PPP1R1C: variants seen among roughly 807,000 people sequenced by gnomAD.
PPP1R1C encodes the protein protein phosphatase 1 regulatory subunit 1C.
A neutral mutation model predicts 17.4 loss-of-function variants in PPP1R1C; 15 were observed. The observed-to-expected ratio is 0.86, with a 90% CI of 0.58 to 1.33. The LOEUF is 1.33. Ranked by LOEUF, PPP1R1C falls within the 40% of genes most tolerant of loss-of-function variation. PPP1R1C has a pLI of 0.00. For synonymous variants in PPP1R1C, 35 were observed against 43.1 expected, an observed-to-expected ratio of 0.81 and a Z score of 0.73; for missense variants, 143 against 130.0, an observed-to-expected ratio of 1.10 and a Z score of -0.48.
At chr2:182,043,165 A>C (rs771244241) in intron 2 of PPP1R1C, among the ~76,000 whole-genome samples, 23 of 152,220 alleles carry the variant, frequency 1.5e-4, no homozygotes, top group Non-Finnish European at 2.6e-4. Context: ...AGATGAATGC[A>C]AAATGCATTT....
chr2:182,037,451 G>T (rs893414167), intron 2 of PPP1R1C, among the ~76,000 whole-genome samples: 6 of 152,124 alleles, frequency 3.9e-5, no homozygotes, highest in African/African-American at 1.4e-4. Context: ...GCTGGGTGTG[G>T]TGGTGGGTGC....
intron 5 of PPP1R1C, among the ~76,000 whole-genome samples, chr2:182,122,918 C>T (rs1023005053): frequency 5.6e-4 from 85 of 152,178 alleles, no homozygotes; most frequent in African/African-American, 2.0e-3. Context: ...AGGTTTGTTA[C>T]ATAGGTATAC....
upstream of PPP1R1C, among the ~76,000 whole-genome samples, chr2:181,982,022 T>C (rs1685202582): frequency 6.6e-6 from 1 of 152,226 alleles, no homozygotes; most frequent in African/African-American, 2.4e-5. Context: ...AAGTCACGTC[T>C]CATATATCTG....
At chr2:182,080,348 C>G (rs1688438371) in intron 4 of PPP1R1C, among the ~76,000 whole-genome samples, 1 of 152,104 alleles carries the variant, frequency 6.6e-6, no homozygotes, top group Non-Finnish European at 1.5e-5. Flanking sequence ...TATCACTATC[C>G]CCCATTTGCT....
chr2:181,999,966 C>T (rs949419478), intron 2 of PPP1R1C, among the ~76,000 whole-genome samples: 1 of 152,156 alleles, frequency 6.6e-6, no homozygotes, highest in Non-Finnish European at 1.5e-5. Context: ...TTCTAGTTAA[C>T]TCAAAACATG....
At chr2:182,006,596 A>G (rs1024269436) in intron 2 of PPP1R1C, among the ~76,000 whole-genome samples, 7 of 152,174 alleles carry the variant, frequency 4.6e-5, no homozygotes, top group Non-Finnish European at 7.4e-5. Context: ...AATTCTCTAG[A>G]CATGTTTTCT....
At chr2:182,106,675 G>C (rs1466237937) in intron 4 of PPP1R1C, among the ~76,000 whole-genome samples, 2 of 152,174 alleles carry the variant, frequency 1.3e-5, no homozygotes, top group African/African-American at 2.4e-5. Flanking sequence ...AAAGCCCTCT[G>C]TCTTTGCCAT....
chr2:182,006,366 AT>A (rs1685924736), intron 2 of PPP1R1C, among the ~76,000 whole-genome samples: 1 of 152,212 alleles, frequency 6.6e-6, no homozygotes, highest in Admixed American at 6.5e-5. Flanking sequence ...GAAAATAAGG[AT>A]TAGATGAGAG....
In PPP1R1C at chr2:181,961,262, G is replaced by A; in HGVS notation, n.111+6628G>A. On this transcript the variant is annotated intron_variant and non_coding_transcript_variant, in intron 1 of 5. Coordinates refer to the PPP1R1C transcript ENST00000464264. This position sits in a 1 kb window ranked among gnomAD's most constrained non-coding sequence, Gnocchi z 5.8. ...AGACACCACTTTGCGGCGGGTGGTGGTCTTTGGATGGTTTGCATGGAGTTG... is the reference window on the plus strand; with the variant it reads ...AGACACCACTTTGCGGCGGGTGGTGATCTTTGGATGGTTTGCATGGAGTTG... 1 of 767,858 alleles carries A rather than the reference G, an allele frequency of 1.3e-6. No individual in the cohort carries two copies. The highest frequency in any genetic ancestry group is 2.3e-6 in the Non-Finnish European group (1 of 434,444). The allele number at this position is 767,858 out of a possible 1,614,324, so 47.6% of individuals were successfully genotyped here.
chr2:182,034,320 T>C (rs1686934728), intron 2 of PPP1R1C, among the ~76,000 whole-genome samples: 1 of 152,142 alleles, frequency 6.6e-6, no homozygotes, highest in African/African-American at 2.4e-5. Flanking sequence ...ACAAGACAGA[T>C]GTAGCTTAGT....
At chr2:182,098,375 G>A (rs918628644) in intron 4 of PPP1R1C, among the ~76,000 whole-genome samples, 3 of 152,144 alleles carry the variant, frequency 2.0e-5, no homozygotes, top group African/African-American at 4.8e-5. Context: ...TTCTTCAAAT[G>A]TGATGGATGT....
At chr2:182,068,228 G>A (rs1455619069) in intron 4 of PPP1R1C, among the ~76,000 whole-genome samples, 1 of 152,140 alleles carries the variant, frequency 6.6e-6, no homozygotes, top group Non-Finnish European at 1.5e-5. Context: ...TACCACATAT[G>A]ATTGCTGTAG....
chr2:181,961,627 T>G lies in PPP1R1C; in HGVS notation n.111+6993T>G. 1.3e-6 allele frequency: 1 copy of G among 743,842 alleles called. No individual in the cohort carries two copies. The highest frequency in any genetic ancestry group is 2.4e-6 in the Non-Finnish European group (1 of 410,132). 46.1% of individuals were successfully genotyped at this position (743,842 alleles called of 1,614,324 possible). A position where few individuals can be genotyped will look rare whatever the true frequency, so the allele number is the denominator to read the frequency against. On this transcript the variant is annotated intron_variant and non_coding_transcript_variant, in intron 1 of 5. Coordinates refer to the PPP1R1C transcript ENST00000464264. This position sits in a 1 kb window ranked among gnomAD's most constrained non-coding sequence, Gnocchi z 5.8. ...CTCAGCATCTCCAACCTTGGTGGACTGCGTAGTGACCACTGTGGTGCTCTT... is the reference window on the plus strand; with the variant it reads ...CTCAGCATCTCCAACCTTGGTGGACGGCGTAGTGACCACTGTGGTGCTCTT...
intron 4 of PPP1R1C, among the ~76,000 whole-genome samples, chr2:182,115,734 A>G (rs1227857636): frequency 6.6e-6 from 1 of 152,208 alleles, no homozygotes; most frequent in African/African-American, 2.4e-5. Context: ...TATTATTACA[A>G]GTGATAAAAT....
chr2:182,114,407 G>C (rs947529838), intron 4 of PPP1R1C, among the ~76,000 whole-genome samples: 1 of 152,024 alleles, frequency 6.6e-6, no homozygotes, highest in African/African-American at 2.4e-5. Flanking sequence ...TCAAATGGGG[G>C]TTTAAAGAAA....
chr2:182,092,485 C>A (rs1405589560), intron 4 of PPP1R1C, among the ~76,000 whole-genome samples: 1 of 152,206 alleles, frequency 6.6e-6, no homozygotes, highest in African/African-American at 2.4e-5. Context: ...ATCATGCCTT[C>A]CCAACAGTCT....
chr2:181,979,410 A>T (rs528072397), intron 2 of PPP1R1C, among the ~76,000 whole-genome samples: 1 of 152,042 alleles, frequency 6.6e-6, no homozygotes, highest in South Asian at 2.1e-4. Flanking sequence ...TCTTGAGTAG[A>T]TTTTTATACA....
Position 182,063,750 on chromosome 2 carries a change from A to G in PPP1R1C, c.200A>G (p.Lys67Arg), listed in dbSNP as rs1687910217. 2 of 1,612,740 alleles carry G rather than the reference A, an allele frequency of 1.2e-6. No individual in the cohort carries two copies. The highest frequency in any genetic ancestry group is 2.7e-5 in the African/African-American group (2 of 74,848). ...CCACAGTTACAGAATGCATCCCCTA[A>G]GCAAAGGAAGCAGAGTGTGTACACA... ...TQGELQNASP[K>R]QRKQSVYTPP... The change falls in exon 4 of 5, where the codon AAG (lysine) becomes AGG (arginine). Residue 67 changes from lysine to arginine, a missense_variant. By Grantham distance (26) the Lys-to-Arg change is conservative. Coordinates refer to ENST00000682840, the MANE Select transcript of PPP1R1C (RefSeq NM_001080545.3).
chr2:182,124,619 C>G (rs1173408633), intron 5 of PPP1R1C, among the ~76,000 whole-genome samples: 2 of 151,826 alleles, frequency 1.3e-5, no homozygotes, highest in Admixed American at 1.3e-4. Context: ...TCACATCCCT[C>G]GTAAGTTGCA....
Sources: gnomAD v4.1 joint callset for allele counts (sites outside exome capture counted in the v4.1 genomes callset) on GRCh38, gnomAD v4.1.1 for gene constraint, Gnocchi (gnomAD v3.1) non-coding constraint, MANE v1.5 for transcripts, NCBI Gene and HGNC (gene_info 2026-07-23, HGNC 2026-07-21) for gene names.